The following AIF1L variants were observed in gnomAD, a reference collection of about 807,000 sequenced individuals.
AIF1L encodes the protein allograft inflammatory factor 1-like.
A neutral mutation model predicts 20.7 loss-of-function variants in AIF1L; 12 were observed. The observed-to-expected ratio is 0.58, with a 90% confidence interval of 0.37 to 0.94. The LOEUF (loss-of-function observed/expected upper bound fraction) is 0.94. AIF1L is among the 40% of genes least tolerant of loss of function. AIF1L has a pLI of 0.01. For missense variants in AIF1L, 173 were observed against 185.3 expected (o/e 0.93, Z 0.39); for synonymous variants, 76 against 65.1 (o/e 1.17, Z -0.81).
chr9:131,100,646 G>T (rs2133374124), intron 2 of AIF1L, among the ~76,000 whole-genome samples: 1 of 152,366 alleles, frequency 6.6e-6, no homozygotes, highest in Non-Finnish European at 1.5e-5. Context: ...GAACTGGCCA[G>T]CACCTCCTAC....
rs980974899 is a variant in AIF1L, at chr9:131,106,049, C to T, written c.94-5548C>T. 143 of 930,906 alleles carry T rather than the reference C, an allele frequency of 1.5e-4. 1 individual carries two copies. The highest frequency in any genetic ancestry group is 1.9e-4 in the Non-Finnish European group (120 of 639,094). 57.7% of individuals were successfully genotyped at this position (930,906 alleles called of 1,614,324 possible). On this transcript the variant is annotated intron_variant, in intron 2 of 5. Coordinates refer to ENST00000247291, the MANE Select transcript of AIF1L (RefSeq NM_031426.4). ...GCTCAGGCTGACTTCAAACTTCTGG[C>T]CTCAAGTGATCCTCCCTCCTCGGGC...
At chr9:131,099,285 G>T (rs963908941) in intron 2 of AIF1L, among the ~76,000 whole-genome samples, 4 of 152,210 alleles carry the variant, frequency 2.6e-5, no homozygotes, top group Admixed American at 6.5e-5. Flanking sequence ...TGAAATGGGA[G>T]CAGGGATCTC....
chr9:131,113,061 G>A (rs866291541), intron 3 of AIF1L, among the ~76,000 whole-genome samples: 3 of 152,218 alleles, frequency 2.0e-5, no homozygotes, highest in South Asian at 2.1e-4. Flanking sequence ...CTGTGTTCTC[G>A]CTCGGGGGGC....
intron 2 of AIF1L, among the ~76,000 whole-genome samples, chr9:131,110,911 C>T (rs1334494246): frequency 6.6e-6 from 1 of 151,696 alleles, no homozygotes; most frequent in East Asian, 2.0e-4. Context: ...CCTGTAATCC[C>T]AGCACTTTGG....
chr9:131,109,631 G>A (rs750766618), intron 2 of AIF1L, among the ~76,000 whole-genome samples: 5 of 152,184 alleles, frequency 3.3e-5, no homozygotes, highest in Non-Finnish European at 7.3e-5. Flanking sequence ...GAGTTCGAGT[G>A]GTAGGAGGGG....
chr9:131,113,171 A>T (rs1168178386), intron 3 of AIF1L, among the ~76,000 whole-genome samples: 1 of 151,794 alleles, frequency 6.6e-6, no homozygotes, highest in Non-Finnish European at 1.5e-5. Context: ...GGAGGACAGG[A>T]GTGCTCAGCT....
intron 2 of AIF1L, among the ~76,000 whole-genome samples, chr9:131,103,397 C>A (rs1271510831): frequency 2.0e-5 from 3 of 151,960 alleles, no homozygotes; most frequent in Non-Finnish European, 2.9e-5. Context: ...CCCTGCCCTT[C>A]CCCCGCACAC....
At chr9:131,107,415 T>A (rs1289114225) in intron 2 of AIF1L, among the ~76,000 whole-genome samples, 1 of 152,254 alleles carries the variant, frequency 6.6e-6, no homozygotes, top group Non-Finnish European at 1.5e-5. Context: ...CGGTCCAGGC[T>A]GAGGCAGGAT....
At chr9:131,116,518 C>T (rs892141421) in intron 4 of AIF1L, among the ~76,000 whole-genome samples, 5 of 152,168 alleles carry the variant, frequency 3.3e-5, no homozygotes, top group Non-Finnish European at 5.9e-5. Flanking sequence ...CCTGCCTCGT[C>T]GTCCCAAAGT....
chr9:131,097,082 T>TA (rs1830547226), intron 2 of AIF1L, among the ~76,000 whole-genome samples: 1 of 152,182 alleles, frequency 6.6e-6, no homozygotes, highest in Non-Finnish European at 1.5e-5. Context: ...TGCAAGTTGT[T>TA]ACTCTTGCAA....
chr9:131,108,162 C>T (rs967218272), intron 2 of AIF1L: 8 of 151,896 alleles, frequency 5.3e-5, no homozygotes, highest in South Asian at 2.1e-4. Context: ...TCAGATAGAC[C>T]CAGGTTCGAA....
At chr9:131,100,968 G>T (rs1248587975) in intron 2 of AIF1L, among the ~76,000 whole-genome samples, 1 of 152,106 alleles carries the variant, frequency 6.6e-6, no homozygotes, top group Non-Finnish European at 1.5e-5. Flanking sequence ...CGTGATCTCG[G>T]CTCACTGCAA....
chr9:131,117,061 G>A (rs1209093609), intron 4 of AIF1L, among the ~76,000 whole-genome samples: 1 of 151,686 alleles, frequency 6.6e-6, no homozygotes, highest in African/African-American at 2.4e-5. Flanking sequence ...ATCTTGGTGG[G>A]AGCTGGGCGG....
Position 131,114,635 on chromosome 9 carries a change from G to A in AIF1L, c.202+17G>A. 6.2e-7 allele frequency: 1 copy of A among 1,614,074 alleles called. No individual in the cohort carries two copies. Among genetic ancestry groups the A allele is most frequent in the African/African-American group, 1.3e-5 (1 of 75,062 alleles). Reference sequence around the variant, plus strand: ...GCGAGATTGGTGAGTGAAGCCTTGAGTGTGTTTAGGGAGGAGGGTGTTAAG... The same window carrying A: ...GCGAGATTGGTGAGTGAAGCCTTGAATGTGTTTAGGGAGGAGGGTGTTAAG... On this transcript the variant is annotated intron_variant, in intron 4 of 5. Coordinates refer to ENST00000247291, the MANE Select transcript of AIF1L (RefSeq NM_031426.4).
At chr9:131,103,769 G>A (rs929226907) in intron 2 of AIF1L, among the ~76,000 whole-genome samples, 1 of 152,198 alleles carries the variant, frequency 6.6e-6, no homozygotes, top group Non-Finnish European at 1.5e-5. Context: ...GCCTAGAGTG[G>A]TAAACAGGTA....
chr9:131,116,618 G>A (rs1297698240), intron 4 of AIF1L, among the ~76,000 whole-genome samples: 1 of 152,154 alleles, frequency 6.6e-6, no homozygotes. Flanking sequence ...ATTCTAATTT[G>A]TTTAGCCGAT....
At chr9:131,111,294 G>GCCCCA (rs1830876214) in intron 2 of AIF1L, 1 of 326,454 alleles carries the variant, frequency 3.1e-6, no homozygotes, top group Non-Finnish European at 5.6e-6. Context: ...TCTGAAGCTG[G>GCCCCA]GGTGTCTTGG....
At position 131,120,399 on chromosome 9, in the gene AIF1L, A is replaced by ATC. The variant is rs147761552; in HGVS notation, c.*90_*91dup. On this transcript the variant is annotated 3_prime_UTR_variant, in exon 6 of 6. Coordinates refer to ENST00000247291, the MANE Select transcript of AIF1L (RefSeq NM_031426.4). The stretch of plus-strand genomic sequence containing the variant: ...TTGCTGCCCTTCTTGACACACTGTG[A>ATC]TCTCTCTCTCTCTCATTTGTTTGGT... 49 of 1,104,410 alleles carry ATC rather than the reference A, an allele frequency of 4.4e-5. No individual in the cohort carries two copies. Among genetic ancestry groups the ATC allele is most frequent in the African/African-American group, 3.4e-4 (21 of 60,944 alleles). 68.4% of individuals were successfully genotyped at this position (1,104,410 alleles called of 1,614,324 possible).
At chr9:131,102,733 C>T in intron 2 of AIF1L, 2 of 361,976 alleles carry the variant, frequency 5.5e-6, no homozygotes, top group South Asian at 4.1e-5. Flanking sequence ...ACATTACAGG[C>T]TTCTGCTACT....
Sources: gnomAD v4.1 joint callset for allele counts (sites outside exome capture counted in the v4.1 genomes callset) on GRCh38, gnomAD v4.1.1 for gene constraint, MANE v1.5 for transcripts, NCBI Gene and HGNC (gene_info 2026-07-23, HGNC 2026-07-21) for gene names.